Variants in NEDD4L observed in about 807,000 individuals in gnomAD.
NEDD4L encodes E3 ubiquitin-protein ligase NEDD4-like.
Under a neutral mutation model 148.9 loss-of-function variants are expected in NEDD4L, and 54 were observed. The ratio of observed to expected loss-of-function variants is 0.36; its 90% CI spans 0.29 to 0.45. NEDD4L has a LOEUF of 0.45. Ranked by LOEUF, NEDD4L falls within the 20% of genes least tolerant of loss-of-function variation. The probability of loss-of-function intolerance (pLI) is 1.00; values close to 1 mark genes in which losing one functional copy is unlikely to be tolerated. For synonymous variants in NEDD4L, 433 were observed against 440.7 expected (o/e 0.98, Z 0.22); for missense variants, 856 against 1,233.8 (o/e 0.69, Z 4.59).
chr18:58,338,837 A>T (rs1568755974), intron 13 of NEDD4L, among the ~76,000 whole-genome samples: 1 of 152,204 alleles, frequency 6.6e-6, no homozygotes, highest in Non-Finnish European at 1.5e-5. Context: ...AATCACTTGA[A>T]CATGGGAGGC....
At chr18:58,119,877 G>A (rs978954131) in intron 1 of NEDD4L, among the ~76,000 whole-genome samples, 4 of 152,168 alleles carry the variant, frequency 2.6e-5, no homozygotes, top group Non-Finnish European at 4.4e-5. Flanking sequence ...GAAGCTGCCC[G>A]GGTGGTTCTC....
intron 28 of NEDD4L, 128 bp downstream of exon 28, chr18:58,389,320 G>A: frequency 3.1e-6 from 2 of 649,674 alleles, no homozygotes; most frequent in Non-Finnish European, 2.6e-6. Flanking sequence ...AGCTTGGACT[G>A]CTGGGGGAGG....
intron 8 of NEDD4L, among the ~76,000 whole-genome samples, chr18:58,323,859 G>T (rs1224798166): frequency 2.0e-5 from 3 of 152,004 alleles, no homozygotes; most frequent in Non-Finnish European, 2.9e-5. Flanking sequence ...TATTTACCTT[G>T]TCACAGACTG....
chr18:58,315,939 G>A (rs762787679), intron 5 of NEDD4L, 43 bp from the exon 6 acceptor site: 3 of 1,522,520 alleles, frequency 2.0e-6, no homozygotes, highest in Non-Finnish European at 1.8e-6. Flanking sequence ...CTGACGCTCA[G>A]TGAAGAAATG....
intron 1 of NEDD4L, among the ~76,000 whole-genome samples, chr18:58,128,065 G>GTTTT (rs2031454593): frequency 6.6e-6 from 1 of 151,490 alleles, no homozygotes; most frequent in African/African-American, 2.4e-5. Flanking sequence ...TGTTTTGTTT[G>GTTTT]AGACAGGGTC....
At chr18:58,120,957 A>G (rs377328586) in intron 1 of NEDD4L, among the ~76,000 whole-genome samples, 24 of 151,522 alleles carry the variant, frequency 1.6e-4, no homozygotes, top group African/African-American at 5.6e-4. Context: ...GAAGATATGG[A>G]CTTAGGTAGG....
chr18:58,087,035 A>G (rs754344220), intron 1 of NEDD4L, among the ~76,000 whole-genome samples: 26 of 152,200 alleles, frequency 1.7e-4, no homozygotes, highest in Non-Finnish European at 3.5e-4. Flanking sequence ...TTCACTTTTT[A>G]AACATTAGAC....
rs751417792 is a variant in NEDD4L, at chr18:58,094,900, T to TTAAAA, written c.48+50192_48+50193insTAAAA. ...CGTGAATGCCTCTAGAAAGAGCACTTAAAAAAAAAAAAAAAAAAGAAGGGA... is the reference window on the plus strand; with the variant it reads ...CGTGAATGCCTCTAGAAAGAGCACTTTAAAAAAAAAAAAAAAAAAAAAAGAAGGGA... On this transcript the variant is annotated intron_variant, in intron 1 of 30. Coordinates refer to ENST00000400345, the MANE Select transcript of NEDD4L (RefSeq NM_001144967.3). 1.5e-4 allele frequency among the ~76,000 whole-genome samples: 19 copies of TTAAAA among 129,532 alleles called. 1 individual carries two copies. The highest frequency in any genetic ancestry group is 2.5e-4 in the South Asian group (1 of 3,952). The allele number at this position is 129,532 out of a possible 152,430, so 85.0% of individuals were successfully genotyped here.
rs930261784 is a variant in NEDD4L, at chr18:58,389,216, C to A, written c.2655+24C>A. ...AGGTAACTCCGGGGCCCAGCCCCAG[C>A]CGGTGTCCTCCACCTGAGGCAGGAT... On this transcript the variant is annotated intron_variant, in intron 28 of 30. Coordinates refer to ENST00000400345, the MANE Select transcript of NEDD4L (RefSeq NM_001144967.3). 4 of 1,541,830 alleles carry A rather than the reference C, an allele frequency of 2.6e-6. No individual in the cohort carries two copies. The African/African-American group carries it at 5.4e-5, about 21-fold the overall frequency.
At chr18:58,341,338 T>C (rs764087995) in intron 14 of NEDD4L, among the ~76,000 whole-genome samples, 169 bp downstream of exon 14, 10 of 152,228 alleles carry the variant, frequency 6.6e-5, no homozygotes, top group Non-Finnish European at 1.0e-4. Flanking sequence ...TAAGGAAGAA[T>C]TTGCTTTTCA....
Position 58,096,347 on chromosome 18 carries a change from A to ATTTATTTTATTTTAT in NEDD4L, c.48+51697_48+51711dup, listed in dbSNP as rs149430952. Among the ~76,000 whole-genome samples the ATTTATTTTATTTTAT allele has an allele frequency of 1.1e-3, 123 of 116,260 alleles. 2 individuals carry two copies. Among genetic ancestry groups the ATTTATTTTATTTTAT allele is most frequent in the African/African-American group, 3.4e-3 (99 of 28,936 alleles). 76.3% of individuals were successfully genotyped at this position (116,260 alleles called of 152,430 possible). ...GGCCTTAGTGTGATTATTTTATTTT[A>ATTTATTTTATTTTAT]TTTATTTTATTTTATTTTATTTTAT... is the stretch of plus-strand genomic sequence containing the variant. On this transcript the variant is annotated intron_variant, in intron 1 of 30. Coordinates refer to ENST00000400345, the MANE Select transcript of NEDD4L (RefSeq NM_001144967.3).
chr18:58,305,179 G>A (rs1478343707), intron 5 of NEDD4L, among the ~76,000 whole-genome samples: 1 of 152,216 alleles, frequency 6.6e-6, no homozygotes, highest in African/African-American at 2.4e-5. Context: ...GAGAGCTGGA[G>A]AAGGAGGGGA....
chr18:58,064,817 CAT>C lies in NEDD4L; in HGVS notation c.48+20111_48+20112del, dbSNP rs551097095. Among the ~76,000 whole-genome samples, 6 of 152,296 alleles carry C rather than the reference CAT, an allele frequency of 3.9e-5. No homozygotes were observed. In the South Asian group the frequency reaches 1.2e-3, roughly 32 times the overall value. The stretch of plus-strand genomic sequence containing the variant: ...GAGTGGTCTTAGCTCTCAAAGAAGT[CAT>C]AGTCTGGCCAGGCGTGATGACTCAT... On this transcript the variant is annotated intron_variant, in intron 1 of 30. Coordinates refer to ENST00000400345, the MANE Select transcript of NEDD4L (RefSeq NM_001144967.3).
chr18:58,389,036 C>T (rs775118445), intron 27 of NEDD4L, 49 bp from the exon 28 acceptor site: 10 of 1,478,630 alleles, frequency 6.8e-6, no homozygotes, highest in Non-Finnish European at 9.4e-6. Context: ...AGTGTGTGAT[C>T]TCGCACCTTT....
At chr18:58,322,183 C>G (rs1387612619) in intron 6 of NEDD4L, among the ~76,000 whole-genome samples, 1 of 152,168 alleles carries the variant, frequency 6.6e-6, no homozygotes, top group African/African-American at 2.4e-5. Flanking sequence ...TTGGCAATGA[C>G]AGCTGTAATT....
chr18:58,063,500 C>A (rs989209114), intron 1 of NEDD4L, among the ~76,000 whole-genome samples: 3 of 151,532 alleles, frequency 2.0e-5, no homozygotes, highest in Non-Finnish European at 4.4e-5. Context: ...GCCAAAATTT[C>A]TCTTCAAGGA....
At chr18:58,276,200 T>TG (rs199958979) in intron 5 of NEDD4L, among the ~76,000 whole-genome samples, 12 of 97,324 alleles carry the variant, frequency 1.2e-4, no homozygotes, top group Admixed American at 4.8e-4. Context: ...TTTCGTTTTT[T>TG]TTTTTTTTTT....
intron 1 of NEDD4L, among the ~76,000 whole-genome samples, chr18:58,082,787 TCAAA>T (rs2083536693): frequency 9.0e-6 from 1 of 110,726 alleles, no homozygotes; most frequent in Admixed American, 9.3e-5. Flanking sequence ...AGACTCCATC[TCAAA>T]AAAAAAAAAA....
chr18:58,125,458 C>T (rs961704943), intron 1 of NEDD4L, among the ~76,000 whole-genome samples: 2 of 152,022 alleles, frequency 1.3e-5, no homozygotes, highest in Admixed American at 6.6e-5. Context: ...TTGTTCACCT[C>T]CAGTCTTTGG....
Sources: gnomAD v4.1 joint callset for allele counts (sites outside exome capture counted in the v4.1 genomes callset) on GRCh38, gnomAD v4.1.1 for gene constraint, MANE v1.5 for transcripts, NCBI Gene and HGNC (gene_info 2026-07-23, HGNC 2026-07-21) for gene names.